FAM135B: variants seen among roughly 807,000 people sequenced by gnomAD.
FAM135B encodes family with sequence similarity 135 member B, also known as protein FAM135B.
FAM135B carries 43 observed loss-of-function variants against 127.7 expected under a neutral mutation model. The observed-to-expected ratio is 0.34, with a 90% CI of 0.26 to 0.43. The LOEUF (loss-of-function observed/expected upper bound fraction) is 0.43, where lower values mean the gene tolerates loss of function less well. FAM135B is among the 20% of genes least tolerant of loss of function. The pLI, the probability that FAM135B is intolerant of heterozygous loss-of-function variation, is 1.00. For missense variants in FAM135B, 1,558 were observed against 1,725.6 expected (o/e 0.90, Z 1.72); for synonymous variants, 670 against 665.1 (o/e 1.01, Z -0.11).
In FAM135B at chr8:138,151,821, A is replaced by G. The variant is rs2130744377; in HGVS notation, c.2654T>C (p.Val885Ala). The G allele has an allele frequency of 6.2e-7, 1 of 1,614,092 alleles. No homozygotes were observed. Among genetic ancestry groups the G allele is most frequent in the Non-Finnish European group, 8.5e-7 (1 of 1,180,024 alleles). Residue 885 changes from valine (V) to alanine (A), a missense_variant, in exon 13 of 20, where the codon GTC becomes GCC. Coordinates refer to ENST00000395297, the MANE Select transcript of FAM135B (RefSeq NM_015912.4). ...GGTCCTGGGGTTTTCAAGTGCTATG[A>G]CGCGTGGTATTTTTAAATTAAGACC... ...TKGLNLKIPRVIALENPRTRS... is the reference protein window; with the variant it reads ...TKGLNLKIPRAIALENPRTRS...
chr8:138,278,599 T>A (rs1298622503), intron 3 of FAM135B, among the ~76,000 whole-genome samples: 1 of 135,014 alleles, frequency 7.4e-6, no homozygotes, highest in Admixed American at 8.2e-5. Context: ...AGTCTTGCTC[T>A]GTCGCCCAGG....
At chr8:138,405,717 G>C (rs1587367818) in intron 1 of FAM135B, among the ~76,000 whole-genome samples, 2 of 152,134 alleles carry the variant, frequency 1.3e-5, no homozygotes, top group African/African-American at 4.8e-5. Flanking sequence ...ATAGTCCTTT[G>C]GGTATATACC....
chr8:138,440,487 A>G (rs922537597), intron 1 of FAM135B: 1 of 126,398 alleles, frequency 7.9e-6, no homozygotes. Context: ...GAATTTAAAT[A>G]TTTATAATAA....
intron 1 of FAM135B, among the ~76,000 whole-genome samples, chr8:138,491,368 T>A (rs1415043787): frequency 1.3e-5 from 2 of 152,112 alleles, no homozygotes; most frequent in African/African-American, 4.8e-5. Context: ...TAACAATAAA[T>A]CTATAGTTTT....
At chr8:138,164,255 A>C (rs1819686166) in intron 12 of FAM135B, among the ~76,000 whole-genome samples, 2 of 152,268 alleles carry the variant, frequency 1.3e-5, no homozygotes, top group East Asian at 3.9e-4. Flanking sequence ...TATTTCTGTA[A>C]AAGTAGTCTG....
rs2130739482 is a variant in FAM135B, at chr8:138,151,699, C to T, written c.2776G>A (p.Val926Ile). The T allele has an allele frequency of 6.2e-7, 1 of 1,614,186 alleles. No homozygotes were observed. The highest frequency in any genetic ancestry group is 8.5e-7 in the Non-Finnish European group (1 of 1,180,032). Residue 926 changes from valine (V) to isoleucine (I), a missense_variant, in exon 13 of 20, where the codon GTT (valine) becomes ATT (isoleucine). Val to Ile is a conservative substitution (Grantham distance 29). Around this residue, in one of 5 missense-constraint regions of FAM135B, gnomAD observed 923 missense variants for 865.3 expected, o/e 1.07. Transcript: ENST00000395297. The stretch of plus-strand genomic sequence containing the variant: ...ACCTGATGTTGAGAGAGACCCTCAA[C>T]CTCTGAGATGCCACTGTTGGAAAGA... ...QALSNSGISEVEGLSQHQVPE... is the reference protein window; with the variant it reads ...QALSNSGISEIEGLSQHQVPE...
At chr8:138,365,254 G>A (rs961946530) in intron 2 of FAM135B, among the ~76,000 whole-genome samples, 11 of 152,128 alleles carry the variant, frequency 7.2e-5, no homozygotes, top group Non-Finnish European at 1.2e-4. Context: ...ATGGATAAAC[G>A]AGATGCTTCC....
intron 1 of FAM135B, among the ~76,000 whole-genome samples, chr8:138,443,009 G>C (rs149196440): frequency 8.5e-5 from 13 of 152,244 alleles, no homozygotes; most frequent in East Asian, 7.7e-4. Context: ...CAACCCCAGT[G>C]AGGCTGCTGC....
chr8:138,453,425 CAA>C (rs397891817), intron 1 of FAM135B, among the ~76,000 whole-genome samples: 35 of 84,228 alleles, frequency 4.2e-4, no homozygotes, highest in African/African-American at 3.8e-4. Context: ...GTCCAAGTGA[CAA>C]AAAAAAAAAA....
chr8:138,332,178 C>T (rs971679890), intron 2 of FAM135B, among the ~76,000 whole-genome samples: 1 of 152,062 alleles, frequency 6.6e-6, no homozygotes, highest in African/African-American at 2.4e-5. Flanking sequence ...AAGAGTAGTT[C>T]CTTTGGTCTT....
chr8:138,156,506 G>C (rs1818762658), intron 12 of FAM135B, among the ~76,000 whole-genome samples: 1 of 132,712 alleles, frequency 7.5e-6, no homozygotes, highest in South Asian at 2.7e-4. Flanking sequence ...ACGAATCCAG[G>C]AGTTGTTTTT....
Position 138,476,414 on chromosome 8 carries a change from C to T in FAM135B, c.-20+20257G>A, listed in dbSNP as rs78338512. ...TTCATTAATTATAAGAAATGGACCA[C>T]GGTGAGGTGGATGCTGATGAGGGGC... On this transcript the variant is annotated intron_variant, in intron 1 of 19. Coordinates refer to ENST00000395297, the MANE Select transcript of FAM135B (RefSeq NM_015912.4). 9.8e-3 allele frequency among the ~76,000 whole-genome samples: 1,465 copies of T among 149,592 alleles called. 18 individuals are homozygous for T. Among genetic ancestry groups the T allele is most frequent in the African/African-American group, 0.033 (1,352 of 40,762 alleles).
intron 11 of FAM135B, among the ~76,000 whole-genome samples, chr8:138,168,595 T>C (rs887525461): frequency 6.6e-6 from 1 of 152,128 alleles, no homozygotes; most frequent in Non-Finnish European, 1.5e-5. Flanking sequence ...GTTTCCCCTG[T>C]AAGATGAAGA....
At chr8:138,304,981 C>T (rs1460144324) in intron 3 of FAM135B, among the ~76,000 whole-genome samples, 1 of 152,210 alleles carries the variant, frequency 6.6e-6, no homozygotes, top group Non-Finnish European at 1.5e-5. Context: ...TGGGTAGGCT[C>T]TTCTGTGGCC....
chr8:138,174,547 A>C (rs1300486778), intron 11 of FAM135B, among the ~76,000 whole-genome samples: 2 of 152,120 alleles, frequency 1.3e-5, no homozygotes, highest in African/African-American at 4.8e-5. Context: ...AGCTCTTCTT[A>C]TTCTTGATGA....
At chr8:138,236,419 C>T (rs1217134666) in intron 7 of FAM135B, among the ~76,000 whole-genome samples, 1 of 152,004 alleles carries the variant, frequency 6.6e-6, no homozygotes, top group African/African-American at 2.4e-5. Flanking sequence ...CACACACACA[C>T]ACACACACAT....
At chr8:138,377,126 T>C (rs982822075) in intron 1 of FAM135B, among the ~76,000 whole-genome samples, 1 of 152,216 alleles carries the variant, frequency 6.6e-6, no homozygotes, top group Admixed American at 6.5e-5. Flanking sequence ...TCTTTTGAAA[T>C]GCAATTTTTC....
At chr8:138,186,304 A>G (rs1815568426) in intron 9 of FAM135B, among the ~76,000 whole-genome samples, 1 of 152,218 alleles carries the variant, frequency 6.6e-6, no homozygotes, top group Admixed American at 6.5e-5. Flanking sequence ...TGAATAGTCC[A>G]GTGGTCAGCA....
At chr8:138,496,254 G>C (rs984376352) in intron 1 of FAM135B, among the ~76,000 whole-genome samples, 1 of 152,098 alleles carries the variant, frequency 6.6e-6, no homozygotes, top group Admixed American at 6.5e-5. Context: ...CAGGAAGAAC[G>C]GGTCTGTGCA....
Sources: gnomAD v4.1 joint callset for allele counts (sites outside exome capture counted in the v4.1 genomes callset) on GRCh38, gnomAD v4.1.1 for gene constraint, gnomAD v4.1.1 regional missense constraint, MANE v1.5 for transcripts, NCBI Gene and HGNC (gene_info 2026-07-23, HGNC 2026-07-21) for gene names.